HEMK2: variants seen among roughly 807,000 people sequenced by gnomAD.
HEMK2 encodes the protein methyltransferase HEMK2.
the HEMK2 span, among the ~76,000 whole-genome samples, chr21:28,786,919 A>G: frequency 6.6e-6 from 1 of 152,184 alleles, no homozygotes; most frequent in African/African-American, 2.4e-5. Context: ...CAGAGTTAGA[A>G]AAAACAGTTC....
At chr21:28,819,289 C>T in the HEMK2 span, among the ~76,000 whole-genome samples, 1 of 139,138 alleles carries the variant, frequency 7.2e-6, no homozygotes, top group Non-Finnish European at 1.5e-5. Context: ...AGTTTATTAG[C>T]TCAAAAAAAA....
chr21:28,826,493 T>A, the HEMK2 span, among the ~76,000 whole-genome samples: 1 of 152,194 alleles, frequency 6.6e-6, no homozygotes, highest in Admixed American at 6.5e-5. Context: ...TTCAAATCTC[T>A]TTCATAACCA....
the HEMK2 span, among the ~76,000 whole-genome samples, chr21:28,630,951 G>C: frequency 6.6e-6 from 1 of 151,956 alleles, no homozygotes; most frequent in East Asian, 1.9e-4. Context: ...TTTAAAAAAA[G>C]AAAGTTAATG....
At chr21:28,736,279 C>T in the HEMK2 span, among the ~76,000 whole-genome samples, 3 of 152,152 alleles carry the variant, frequency 2.0e-5, no homozygotes, top group East Asian at 3.9e-4. Context: ...CCACACTGTC[C>T]GTGAAGTAGG....
At chr21:28,714,770 T>C in the HEMK2 span, among the ~76,000 whole-genome samples, 2 of 152,192 alleles carry the variant, frequency 1.3e-5, no homozygotes, top group Non-Finnish European at 2.9e-5. Context: ...TAGTACTCAA[T>C]AGGTAGTTTC....
chr21:28,605,743 G>A, the HEMK2 span, among the ~76,000 whole-genome samples: 8 of 152,226 alleles, frequency 5.3e-5, no homozygotes, highest in South Asian at 2.1e-4. Flanking sequence ...GTTTATGTGT[G>A]TATATGTGTA....
At chr21:28,734,103 T>C in the HEMK2 span, among the ~76,000 whole-genome samples, 2 of 152,300 alleles carry the variant, frequency 1.3e-5, no homozygotes, top group African/African-American at 4.8e-5. Context: ...AGATCCCTAA[T>C]ATCCGTATCA....
the HEMK2 span, among the ~76,000 whole-genome samples, chr21:28,733,803 G>A: frequency 3.8e-3 from 577 of 151,400 alleles, 3 homozygotes; most frequent in African/African-American, 0.013. Flanking sequence ...ATGTATACAT[G>A]TGCCATGTTG....
At chr21:28,838,033 T>C in the HEMK2 span, among the ~76,000 whole-genome samples, 6 of 152,040 alleles carry the variant, frequency 3.9e-5, no homozygotes, top group South Asian at 2.1e-4. Flanking sequence ...AGCAGCGAGA[T>C]TGAAATGGCA....
At chr21:28,657,200 C>G in the HEMK2 span, among the ~76,000 whole-genome samples, 20 of 152,100 alleles carry the variant, frequency 1.3e-4, no homozygotes, top group African/African-American at 4.3e-4. Context: ...TGACCAATTT[C>G]TTGATCCTGC....
the HEMK2 span, among the ~76,000 whole-genome samples, chr21:28,855,990 A>T: frequency 1.1e-4 from 16 of 146,972 alleles, no homozygotes; most frequent in Non-Finnish European, 7.5e-5. Flanking sequence ...CTAGCAGAAG[A>T]CAAAAAATAA....
the HEMK2 span, among the ~76,000 whole-genome samples, chr21:28,831,827 T>A: frequency 6.6e-6 from 1 of 152,106 alleles, no homozygotes; most frequent in Non-Finnish European, 1.5e-5. Flanking sequence ...TGCTGAGTAT[T>A]GTCACACTCA....
the HEMK2 span, among the ~76,000 whole-genome samples, chr21:28,608,028 A>G: frequency 6.6e-6 from 1 of 152,206 alleles, no homozygotes; most frequent in Non-Finnish European, 1.5e-5. Flanking sequence ...AATTATGTTG[A>G]CGATATTGAG....
the HEMK2 span, among the ~76,000 whole-genome samples, chr21:28,760,722 TG>T: frequency 6.6e-6 from 1 of 152,174 alleles, no homozygotes; most frequent in African/African-American, 2.4e-5. Context: ...CATCTTATGA[TG>T]GCCCCTTCAT....
At chr21:28,676,843 T>A in the HEMK2 span, among the ~76,000 whole-genome samples, 1 of 152,238 alleles carries the variant, frequency 6.6e-6, no homozygotes, top group African/African-American at 2.4e-5. Flanking sequence ...AGGACCCACA[T>A]CTTTAGTGGA....
the HEMK2 span, among the ~76,000 whole-genome samples, chr21:28,831,686 G>GAAA: frequency 1.2e-3 from 53 of 45,710 alleles, no homozygotes; most frequent in Middle Eastern, 0.011. Flanking sequence ...AAAGAAAGAA[G>GAAA]GAAGGAAGGA....
chr21:28,870,735 A>T, the HEMK2 span, among the ~76,000 whole-genome samples: 1 of 152,208 alleles, frequency 6.6e-6, no homozygotes, highest in Non-Finnish European at 1.5e-5. Flanking sequence ...GTTTAGAAGC[A>T]TGTTTTAAAT....
At chr21:28,603,978 A>G in the HEMK2 span, among the ~76,000 whole-genome samples, 252 of 152,330 alleles carry the variant, frequency 1.7e-3, no homozygotes, top group African/African-American at 5.8e-3. Context: ...CTGCGTACTC[A>G]TCTGGTCCAG....
At chr21:28,635,501 TA>T in the HEMK2 span, among the ~76,000 whole-genome samples, 1 of 152,160 alleles carries the variant, frequency 6.6e-6, no homozygotes, top group East Asian at 1.9e-4. Context: ...TAGTCATCAT[TA>T]CCACTAAAAA....
Sources: gnomAD v4.1 joint callset for allele counts (sites outside exome capture counted in the v4.1 genomes callset) on GRCh38, gnomAD v4.1.1 for gene constraint, MANE v1.5 for transcripts, NCBI Gene and HGNC (gene_info 2026-07-23, HGNC 2026-07-21) for gene names.